UTRN: variants seen among roughly 807,000 people sequenced by gnomAD.
UTRN encodes utrophin.
UTRN carries 283 observed loss-of-function variants against 463.9 expected under a neutral mutation model. That is an observed-to-expected ratio of 0.61 (90% CI 0.55 to 0.67). The LOEUF is 0.67. Ranked by LOEUF, UTRN falls within the 30% of genes least tolerant of loss-of-function variation. The pLI is 0.00. For synonymous variants in UTRN, 1,442 were observed against 1,431.5 expected (o/e 1.01, Z -0.17); for missense variants, 3,922 against 4,084.3 (o/e 0.96, Z 1.08).
At chr6:144,644,106 A>G (rs1350660835) in intron 51 of UTRN, among the ~76,000 whole-genome samples, 1 of 152,226 alleles carries the variant, frequency 6.6e-6, no homozygotes, top group East Asian at 1.9e-4. Flanking sequence ...GCTGAAGCAA[A>G]TCAATACATG....
chr6:144,824,614 C>CTCTTT (rs1315487327), intron 66 of UTRN, among the ~76,000 whole-genome samples: 641 of 30,854 alleles, frequency 0.021, 45 homozygotes, highest in African/African-American at 0.064. Flanking sequence ...ATATATATAT[C>CTCTTT]TTTTTTTTTT....
chr6:144,636,995 A>C (rs1005013523), intron 51 of UTRN, among the ~76,000 whole-genome samples: 2 of 152,150 alleles, frequency 1.3e-5, no homozygotes, highest in South Asian at 2.1e-4. Flanking sequence ...TTTGAGACGG[A>C]GTCTTCATTG....
chr6:144,659,987 G>A (rs1414113894), intron 51 of UTRN: 1 of 338,438 alleles, frequency 3.0e-6, no homozygotes, highest in Non-Finnish European at 5.8e-6. Context: ...TACAGAAGCA[G>A]GTCTATTCCT....
At chr6:144,725,040 G>A (rs1300468908) in intron 53 of UTRN, among the ~76,000 whole-genome samples, 1 of 152,214 alleles carries the variant, frequency 6.6e-6, no homozygotes, top group East Asian at 1.9e-4. Flanking sequence ...CTGTGATATG[G>A]TTTGGCTCTG....
chr6:144,420,081 C>T (rs1204040723), intron 3 of UTRN, among the ~76,000 whole-genome samples: 1 of 151,936 alleles, frequency 6.6e-6, no homozygotes, highest in Non-Finnish European at 1.5e-5. Context: ...CTCCTTCTTC[C>T]CCCTCCTCCA....
At chr6:144,563,167 T>C (rs924794418) in intron 50 of UTRN, among the ~76,000 whole-genome samples, 1 of 152,218 alleles carries the variant, frequency 6.6e-6, no homozygotes, top group African/African-American at 2.4e-5. Flanking sequence ...TATATAGTTT[T>C]CAAAAGGTTA....
intron 1 of UTRN, among the ~76,000 whole-genome samples, chr6:144,290,752 C>CTTTTTTTT (rs200477118): frequency 1.0e-5 from 1 of 99,138 alleles, no homozygotes; most frequent in Non-Finnish European, 1.9e-5. Context: ...CCACAATCGT[C>CTTTTTTTT]TTTTTTTTTT....
At chr6:144,512,330 C>G (rs1331331566) in intron 35 of UTRN, among the ~76,000 whole-genome samples, 1 of 152,078 alleles carries the variant, frequency 6.6e-6, no homozygotes, top group Non-Finnish European at 1.5e-5. Flanking sequence ...TTCAAACTCT[C>G]CATTCAAGCA....
rs573282771 is a variant in UTRN at position 144,735,932 on chromosome 6, GT to G, written c.7939+5451del. On this transcript the variant is annotated intron_variant, in intron 54 of 74. Coordinates refer to ENST00000367545, the MANE Select transcript of UTRN (RefSeq NM_007124.3). Reference sequence around the variant, plus strand: ...AGATACACAGAAAAAAAAAATACTGGTTTTTGAGTTCTTATTTTACTGTGAC... The same window carrying G: ...AGATACACAGAAAAAAAAAATACTGGTTTTGAGTTCTTATTTTACTGTGAC... Among the ~76,000 whole-genome samples the G allele has an allele frequency of 9.0e-4, 136 of 151,734 alleles. 1 individual carries two copies. The highest frequency in any genetic ancestry group is 1.6e-3 in the Non-Finnish European group (107 of 67,926).
chr6:144,516,411 C>A, intron 38 of UTRN, 24 bp downstream of exon 38: 1 of 1,590,920 alleles, frequency 6.3e-7, no homozygotes, highest in East Asian at 2.2e-5. Flanking sequence ...GATTTCAAAA[C>A]CATGGTGGTC....
intron 44 of UTRN, 107 bp from the exon 45 acceptor site, chr6:144,539,187 A>G (rs1797791694): frequency 7.9e-7 from 1 of 1,272,144 alleles, no homozygotes; most frequent in East Asian, 2.5e-5. Context: ...CACTTAACAA[A>G]TTAGAAAGTT....
intron 48 of UTRN, among the ~76,000 whole-genome samples, chr6:144,554,334 C>T (rs1199983688): frequency 6.6e-6 from 1 of 152,156 alleles, no homozygotes; most frequent in Non-Finnish European, 1.5e-5. Context: ...CTGTTAAACC[C>T]TACCTTCATC....
intron 34 of UTRN, among the ~76,000 whole-genome samples, chr6:144,505,765 A>G (rs1277826561): frequency 1.3e-5 from 2 of 152,226 alleles, no homozygotes; most frequent in African/African-American, 4.8e-5. Context: ...TATGTCTACT[A>G]GGTCCACTTG....
At chr6:144,681,248 C>G (rs150682783) in intron 52 of UTRN, among the ~76,000 whole-genome samples, 1 of 151,982 alleles carries the variant, frequency 6.6e-6, no homozygotes, top group Non-Finnish European at 1.5e-5. Flanking sequence ...AGACGGGAGG[C>G]GGTGTCCAGA....
chr6:144,724,567 A>T (rs968088330), intron 53 of UTRN, among the ~76,000 whole-genome samples: 3 of 151,926 alleles, frequency 2.0e-5, no homozygotes, highest in Non-Finnish European at 2.9e-5. Flanking sequence ...CCATACCCAT[A>T]AGCAGTCACT....
rs1242220307 is a variant in UTRN at position 144,757,929 on chromosome 6, C to T, written c.8435C>T (p.Thr2812Met). Residue 2812 changes from threonine (T) to methionine (M), a missense_variant and splice_region_variant, in exon 58 of 75, where the codon ACG becomes ATG. Coordinates refer to ENST00000367545, the MANE Select transcript of UTRN (RefSeq NM_007124.3). ...FGPSSQHFLS[T>M]SVQLPWQRSI... ...CAATAATCTCCCTTTGTTTCCTCAG[C>T]GTCAGTCCAGCTGCCGTGGCAAAGA... 9 of 1,608,994 alleles carry T rather than the reference C, an allele frequency of 5.6e-6. No individual in the cohort carries two copies. Among genetic ancestry groups the T allele is most frequent in the East Asian group, 2.2e-5 (1 of 44,708 alleles).
Position 144,852,593 on chromosome 6 carries a change from C to T in UTRN, c.*1596C>T, listed in dbSNP as rs1331363889. 1 of 152,540 alleles carries T rather than the reference C, an allele frequency of 6.6e-6. No individual in the cohort carries two copies. The highest frequency in any genetic ancestry group is 1.5e-5 in the Non-Finnish European group (1 of 68,012). The allele number at this position is 152,540 out of a possible 1,614,324, so 9.4% of individuals were successfully genotyped here. On this transcript the variant is annotated 3_prime_UTR_variant, in exon 75 of 75. Transcript: ENST00000367545. ...ATATAAAAAGGAAAGCCATGACCAC[C>T]TTTCTACCTCAGATCCATCTTCATC...
intron 2 of UTRN, among the ~76,000 whole-genome samples, chr6:144,298,314 T>C (rs1584182785): frequency 1.3e-5 from 2 of 152,226 alleles, no homozygotes; most frequent in South Asian, 4.1e-4. Context: ...CCCAGTCCTT[T>C]CGCTTTTACT....
chr6:144,424,764 A>G (rs1220550802), intron 6 of UTRN, among the ~76,000 whole-genome samples: 17 of 152,126 alleles, frequency 1.1e-4, no homozygotes, highest in Admixed American at 5.9e-4. Flanking sequence ...AGTTGTCTAT[A>G]TTTCATTTGT....
Sources: allele counts gnomAD v4.1 joint callset (sites outside exome capture counted in the v4.1 genomes callset), GRCh38; gene constraint gnomAD v4.1.1; transcripts MANE v1.5; gene names NCBI Gene and HGNC (gene_info 2026-07-23, HGNC 2026-07-21).